AREL1: variants seen among roughly 807,000 people sequenced by gnomAD.
AREL1 encodes apoptosis-resistant E3 ubiquitin protein ligase 1.
In AREL1, 62 loss-of-function variants were observed where a neutral mutation model predicts 99.0. That is an observed-to-expected ratio of 0.63 (90% CI 0.51 to 0.77). The LOEUF is 0.77. AREL1 is among the 30% of genes least tolerant of loss of function. AREL1 has a pLI of 0.00. For missense variants in AREL1, 879 were observed against 1,027.6 expected (o/e 0.86, Z 1.98); for synonymous variants, 380 against 376.5 (o/e 1.01, Z -0.11).
chr14:74,668,500 G>C (rs975839183), intron 15 of AREL1, among the ~76,000 whole-genome samples: 1 of 151,998 alleles, frequency 6.6e-6, no homozygotes, highest in Non-Finnish European at 1.5e-5. Flanking sequence ...TTCTATCTAG[G>C]AGACTGAGAA....
intron 1 of AREL1, among the ~76,000 whole-genome samples, chr14:74,704,104 T>C (rs542850145): frequency 6.6e-6 from 1 of 152,266 alleles, no homozygotes; most frequent in East Asian, 1.9e-4. Flanking sequence ...TTTTCATGTG[T>C]TTATTGGTTA....
At chr14:74,699,842 G>A (rs184434096) in intron 1 of AREL1, among the ~76,000 whole-genome samples, 762 of 152,300 alleles carry the variant, frequency 5.0e-3, no homozygotes, top group Non-Finnish European at 8.0e-3. Context: ...GAAAAGAAAC[G>A]AATCCGCTGC....
chr14:74,692,515 T>C (rs560337400), intron 1 of AREL1, among the ~76,000 whole-genome samples, 187 bp from the exon 2 acceptor site: 1 of 152,258 alleles, frequency 6.6e-6, no homozygotes, highest in South Asian at 2.1e-4. Context: ...TTGAGGCCTC[T>C]CTCCAACTCC....
At chr14:74,695,549 A>G (rs1377946204) in intron 1 of AREL1, among the ~76,000 whole-genome samples, 1 of 151,988 alleles carries the variant, frequency 6.6e-6, no homozygotes, top group African/African-American at 2.4e-5. Context: ...TTCAAAACTC[A>G]ACTCAAGCAC....
chr14:74,695,970 C>T (rs1279955070), intron 1 of AREL1, among the ~76,000 whole-genome samples: 1 of 152,232 alleles, frequency 6.6e-6, no homozygotes, highest in African/African-American at 2.4e-5. Flanking sequence ...CTAGACCATG[C>T]TTTCAGAAGT....
chr14:74,679,549 G>A (rs533028479), intron 5 of AREL1, among the ~76,000 whole-genome samples: 52 of 152,246 alleles, frequency 3.4e-4, no homozygotes, highest in African/African-American at 1.1e-3. Flanking sequence ...AAAATGGGCC[G>A]GGCACGGTGG....
At chr14:74,689,045 A>T (rs1231296963) in intron 2 of AREL1, among the ~76,000 whole-genome samples, 1 of 149,752 alleles carries the variant, frequency 6.7e-6, no homozygotes, top group Admixed American at 6.7e-5. Flanking sequence ...ACAGGGTTTC[A>T]CCATGTCAGC....
At chr14:74,689,592 C>CTTTTTTT (rs1057362002) in intron 2 of AREL1, among the ~76,000 whole-genome samples, 8 of 98,536 alleles carry the variant, frequency 8.1e-5, no homozygotes, top group East Asian at 2.8e-4. Flanking sequence ...TAGCACTTTT[C>CTTTTTTT]TTTTTTTTTT....
At chr14:74,663,871 G>A (rs1470944499) in intron 19 of AREL1, 28 bp downstream of exon 19, 3 of 1,614,162 alleles carry the variant, frequency 1.9e-6, no homozygotes, top group Non-Finnish European at 2.5e-6. Flanking sequence ...AAAAACACTG[G>A]GCATGCATCA....
rs1003390962 is a variant in AREL1, at chr14:74,662,692, C to A, written c.*1028G>T. 2.5e-6 allele frequency: 1 copy of A among 398,444 alleles called. No homozygotes were observed. The highest frequency in any genetic ancestry group is 2.1e-5 in the African/African-American group (1 of 48,724). The allele number at this position is 398,444 out of a possible 1,614,324, so 24.7% of individuals were successfully genotyped here. A position where few individuals can be genotyped will look rare whatever the true frequency, so the allele number is the denominator to read the frequency against. ...TGACGCCAAGGACCTGTGATAAGCA[C>A]GTAAACTCCTAGTCCCTGTTCCTTT... On this transcript the variant is annotated 3_prime_UTR_variant, in exon 20 of 20. Coordinates refer to ENST00000356357, the MANE Select transcript of AREL1 (RefSeq NM_001039479.2).
chr14:74,691,816 CT>C (rs2089888261), intron 2 of AREL1, among the ~76,000 whole-genome samples: 2 of 152,192 alleles, frequency 1.3e-5, no homozygotes, highest in South Asian at 4.1e-4. Context: ...ACAGTAGCAA[CT>C]AAATTTTAGC....
chr14:74,684,704 AACCGCC>A (rs755429571), intron 3 of AREL1, 24 bp from the exon 4 acceptor site: 5 of 1,604,240 alleles, frequency 3.1e-6, no homozygotes, highest in Non-Finnish European at 4.3e-6. Context: ...AGAACACACA[AACCGCC>A]TGCCAGTTAC....
intron 1 of AREL1, among the ~76,000 whole-genome samples, chr14:74,703,865 T>C (rs910502956): frequency 6.6e-6 from 1 of 152,208 alleles, no homozygotes; most frequent in African/African-American, 2.4e-5. Context: ...AGAATGGGAT[T>C]GCTGGGTCAT....
intron 18 of AREL1, 28 bp from the exon 19 acceptor site, chr14:74,664,102 C>A: frequency 6.2e-7 from 1 of 1,603,312 alleles, no homozygotes; most frequent in Non-Finnish European, 8.5e-7. Context: ...AGGCTGGGAT[C>A]ACACACAGTA....
chr14:74,665,939 C>T (rs2089200451), intron 17 of AREL1, among the ~76,000 whole-genome samples: 1 of 152,206 alleles, frequency 6.6e-6, no homozygotes, highest in Admixed American at 6.5e-5. Flanking sequence ...TTCCTTTCTA[C>T]TTACTTCTAC....
chr14:74,688,656 T>C (rs2089801332), intron 2 of AREL1, among the ~76,000 whole-genome samples: 1 of 152,076 alleles, frequency 6.6e-6, no homozygotes, highest in Non-Finnish European at 1.5e-5. Flanking sequence ...TTCGCTGACA[T>C]CAACTTTACA....
chr14:74,683,238 G>A, intron 5 of AREL1, 58 bp downstream of exon 5: 1 of 1,225,606 alleles, frequency 8.2e-7, no homozygotes, highest in South Asian at 1.3e-5. Context: ...GGAAAGACAG[G>A]ATGGAAAGAG....
At chr14:74,685,423 A>T (rs1000973428) in intron 3 of AREL1, among the ~76,000 whole-genome samples, 177 bp downstream of exon 3, 3 of 152,182 alleles carry the variant, frequency 2.0e-5, no homozygotes, top group Non-Finnish European at 4.4e-5. Context: ...ATTGACTATA[A>T]TTGCTCAATA....
At position 74,676,635 on chromosome 14, in the gene AREL1, TTGG is replaced by T. The variant is rs772045790; in HGVS notation, c.596_598del (p.Thr199del). The T allele has an allele frequency of 1.2e-6, 2 of 1,613,936 alleles. No individual in the cohort carries two copies. Among genetic ancestry groups the T allele is most frequent in the African/African-American group, 2.7e-5 (2 of 74,900 alleles). On this transcript the variant is annotated inframe_deletion, in exon 6 of 20. Coordinates refer to ENST00000356357, the MANE Select transcript of AREL1 (RefSeq NM_001039479.2). The stretch of plus-strand genomic sequence containing the variant: ...CTCATCTCTCAAGGACATGGAATTG[TTGG>T]TGGGATTATCATACTCATCTCGGGG...
Sources: gnomAD v4.1 joint callset for allele counts (sites outside exome capture counted in the v4.1 genomes callset) on GRCh38, gnomAD v4.1.1 for gene constraint, MANE v1.5 for transcripts, NCBI Gene and HGNC (gene_info 2026-07-23, HGNC 2026-07-21) for gene names.